The following SDK1 variants were observed in gnomAD, a reference collection of about 807,000 sequenced individuals.
The protein encoded by SDK1 is protein sidekick-1.
SDK1 carries 157 observed loss-of-function variants against 245.5 expected under a neutral mutation model. The observed-to-expected ratio is 0.64, with a 90% CI of 0.56 to 0.73. The LOEUF (loss-of-function observed/expected upper bound fraction) is 0.73. Ranked by LOEUF, SDK1 falls within the 30% of genes least tolerant of loss-of-function variation. The pLI is 0.00. For synonymous variants in SDK1, 1,647 were observed against 1,278.5 expected, an observed-to-expected ratio of 1.29 and a Z score of -6.15; for missense variants, 3,583 against 3,002.3, an observed-to-expected ratio of 1.19 and a Z score of -4.52.
chr7:4,034,473 C>T (rs775409816), intron 17 of SDK1, among the ~76,000 whole-genome samples: 3 of 152,190 alleles, frequency 2.0e-5, no homozygotes, highest in Non-Finnish European at 2.9e-5. Context: ...CACTCTCAAA[C>T]AGTTTTTAAT....
intron 5 of SDK1, among the ~76,000 whole-genome samples, chr7:3,871,648 A>C (rs10242459): frequency 6.6e-6 from 1 of 152,026 alleles, no homozygotes; most frequent in African/African-American, 2.4e-5. Flanking sequence ...ATCCCAGGGC[A>C]AGAGCAGAAG....
chr7:3,918,363 T>C (rs1779459072), intron 5 of SDK1, among the ~76,000 whole-genome samples: 1 of 152,208 alleles, frequency 6.6e-6, no homozygotes, highest in Admixed American at 6.5e-5. Flanking sequence ...CTCCGCCCCC[T>C]GTCAGATCAG....
intron 5 of SDK1, among the ~76,000 whole-genome samples, chr7:3,881,560 A>C (rs565734969): frequency 2.1e-4 from 32 of 152,332 alleles, no homozygotes; most frequent in Non-Finnish European, 4.6e-4. Context: ...GCTGCAATGA[A>C]CATATGCATA....
intron 40 of SDK1, chr7:4,227,257 G>T (rs902882250): frequency 7.7e-6 from 3 of 388,256 alleles, no homozygotes; most frequent in Non-Finnish European, 1.6e-5. Flanking sequence ...CTCATGTGCT[G>T]CTTGTCTTTC....
At chr7:3,701,145 T>C (rs1172766424) in intron 4 of SDK1, among the ~76,000 whole-genome samples, 2 of 152,218 alleles carry the variant, frequency 1.3e-5, no homozygotes, top group Non-Finnish European at 2.9e-5. Flanking sequence ...ATCACATTTC[T>C]ATACAGTAGC....
intron 4 of SDK1, among the ~76,000 whole-genome samples, chr7:3,750,405 G>T (rs1488944505): frequency 6.6e-6 from 1 of 152,176 alleles, no homozygotes; most frequent in Non-Finnish European, 1.5e-5. Flanking sequence ...CCTTCTATAA[G>T]TAATGTTAGA....
chr7:3,854,943 G>A (rs866589543), intron 5 of SDK1, among the ~76,000 whole-genome samples: 38 of 152,140 alleles, frequency 2.5e-4, no homozygotes, highest in South Asian at 1.4e-3. Context: ...GTGGACCCAG[G>A]TGCACATGCA....
chr7:3,748,829 C>T (rs201685389), intron 4 of SDK1, among the ~76,000 whole-genome samples: 26 of 152,158 alleles, frequency 1.7e-4, no homozygotes, highest in East Asian at 7.7e-4. Context: ...TTTCAGGTAC[C>T]GAATGCTTTT....
At chr7:4,237,603 G>C in intron 41 of SDK1, 44 bp from the exon 42 acceptor site, 1 of 1,611,670 alleles carries the variant, frequency 6.2e-7, no homozygotes, top group Non-Finnish European at 8.5e-7. Flanking sequence ...ACTGCAGCTG[G>C]AGCGTCTGCC....
chr7:3,524,293 A>T (rs1476598493), intron 1 of SDK1, among the ~76,000 whole-genome samples: 1 of 152,170 alleles, frequency 6.6e-6, no homozygotes, highest in Non-Finnish European at 1.5e-5. Context: ...GGTGGAAACA[A>T]CAAAATCCTA....
intron 11 of SDK1, among the ~76,000 whole-genome samples, chr7:3,970,552 T>G (rs951940074): frequency 2.0e-5 from 3 of 152,224 alleles, no homozygotes; most frequent in African/African-American, 7.2e-5. Context: ...GCGATGACCT[T>G]GAGCAGTAGG....
chr7:4,129,099 G>C (rs1199489374), intron 26 of SDK1, among the ~76,000 whole-genome samples: 15 of 122,380 alleles, frequency 1.2e-4, no homozygotes, highest in Middle Eastern at 7.0e-3. Flanking sequence ...GGGGTGGGGT[G>C]CCCTGGAAGA....
chr7:3,504,893 A>G (rs1223823558), intron 1 of SDK1, among the ~76,000 whole-genome samples: 1 of 152,210 alleles, frequency 6.6e-6, no homozygotes, highest in Non-Finnish European at 1.5e-5. Context: ...ATGACCTAGC[A>G]ATTCTACTCC....
chr7:3,820,182 G>C (rs1779609254), intron 4 of SDK1, among the ~76,000 whole-genome samples: 1 of 152,014 alleles, frequency 6.6e-6, no homozygotes, highest in African/African-American at 2.4e-5. Flanking sequence ...ACAGAGTCTT[G>C]CTCTGTCACC....
intron 2 of SDK1, among the ~76,000 whole-genome samples, chr7:3,626,047 G>C (rs1782109280): frequency 6.8e-6 from 1 of 147,804 alleles, no homozygotes; most frequent in Non-Finnish European, 1.5e-5. Flanking sequence ...AGACTGAAGT[G>C]ATCCTTCTGC....
intron 13 of SDK1, among the ~76,000 whole-genome samples, chr7:3,984,539 C>T (rs1783670582): frequency 6.6e-6 from 1 of 152,176 alleles, no homozygotes; most frequent in African/African-American, 2.4e-5. Flanking sequence ...GGCCACAGGT[C>T]ACCCATTTCT....
chr7:3,977,740 C>T (rs1783068921), intron 13 of SDK1, among the ~76,000 whole-genome samples: 1 of 152,246 alleles, frequency 6.6e-6, no homozygotes, highest in African/African-American at 2.4e-5. Context: ...ATCTTCATGG[C>T]TCCCTCTCCT....
chr7:3,652,199 G>A (rs1043071736), intron 4 of SDK1, among the ~76,000 whole-genome samples: 5 of 152,190 alleles, frequency 3.3e-5, no homozygotes, highest in South Asian at 4.1e-4. Flanking sequence ...GAAACCGCGC[G>A]TGTCTCTGAG....
At chr7:3,977,220 GT>G (rs1783008302) in intron 13 of SDK1, among the ~76,000 whole-genome samples, 2 of 40,548 alleles carry the variant, frequency 4.9e-5, no homozygotes, top group Admixed American at 1.8e-4. Flanking sequence ...CACGCAGAGG[GT>G]CCTCCAGAGA....
Sources: gnomAD v4.1 joint callset for allele counts (sites outside exome capture counted in the v4.1 genomes callset) on GRCh38, gnomAD v4.1.1 for gene constraint, MANE v1.5 for transcripts, NCBI Gene and HGNC (gene_info 2026-07-23, HGNC 2026-07-21) for gene names.